The following DYNC2I2 variants were observed in gnomAD, a reference collection of about 807,000 sequenced individuals.
The protein encoded by DYNC2I2 is dynein 2 intermediate chain 2, also known as cytoplasmic dynein 2 intermediate chain 2.
A neutral mutation model predicts 52.0 loss-of-function variants in DYNC2I2; 39 were observed. That is an observed-to-expected ratio of 0.75 (90% confidence interval 0.58 to 0.98). DYNC2I2 has a LOEUF of 0.98. DYNC2I2 is among the 50% of genes least tolerant of loss of function. The pLI, the probability that DYNC2I2 is intolerant of heterozygous loss-of-function variation, is 0.00. For missense variants in DYNC2I2, 743 were observed against 728.4 expected (o/e 1.02, Z -0.23); for synonymous variants, 359 against 321.1 (o/e 1.12, Z -1.26).
intron 1 of DYNC2I2, among the ~76,000 whole-genome samples, chr9:128,653,408 T>C (rs938911224): frequency 1.3e-5 from 2 of 148,848 alleles, no homozygotes; most frequent in African/African-American, 5.1e-5. Context: ...CGAAACCCCG[T>C]CACTACTAAA....
rs528155510 is a variant in DYNC2I2, at chr9:128,633,677, C to T, written c.*67G>A. On this transcript the variant is annotated 3_prime_UTR_variant, in exon 9 of 9. Transcript: ENST00000372715. ...CTTCCCCCAAAGCTTTGCTTTTCTTCATTTGGCTTGCGTCAGAAACACAAG... is the reference window on the plus strand; with the variant it reads ...CTTCCCCCAAAGCTTTGCTTTTCTTTATTTGGCTTGCGTCAGAAACACAAG... 1 of 1,521,670 alleles carries T rather than the reference C, an allele frequency of 6.6e-7. No individual in the cohort carries two copies. The highest frequency in any genetic ancestry group is 2.3e-5 in the East Asian group (1 of 44,154). 94.3% of individuals were successfully genotyped at this position (1,521,670 alleles called of 1,614,324 possible).
the DYNC2I2 span, among the ~76,000 whole-genome samples, chr9:128,667,280 A>G: frequency 6.6e-6 from 1 of 152,100 alleles, no homozygotes; most frequent in African/African-American, 2.4e-5. Context: ...GGATAACCTG[A>G]GCCCTAGGAG....
At chr9:128,659,292 G>A (rs558882681), upstream of DYNC2I2, among the ~76,000 whole-genome samples, 8 of 151,630 alleles carry the variant, frequency 5.3e-5, no homozygotes, top group South Asian at 2.1e-4. Flanking sequence ...TCAGGAGATC[G>A]AGACCATCCT....
At chr9:128,677,603 G>A in the DYNC2I2 span, among the ~76,000 whole-genome samples, 1 of 151,174 alleles carries the variant, frequency 6.6e-6, no homozygotes, top group Admixed American at 6.6e-5. Flanking sequence ...TTCAAAACCA[G>A]CCTGACCAAT....
At chr9:128,641,556 G>A (rs1435300778) in intron 1 of DYNC2I2, among the ~76,000 whole-genome samples, 1 of 152,148 alleles carries the variant, frequency 6.6e-6, no homozygotes, top group Non-Finnish European at 1.5e-5. Context: ...GAACAGGGCA[G>A]GAGAGGCCAG....
the DYNC2I2 span, among the ~76,000 whole-genome samples, chr9:128,667,185 C>T: frequency 1.3e-5 from 2 of 151,630 alleles, no homozygotes; most frequent in Non-Finnish European, 2.9e-5. Context: ...GGCAACAGAG[C>T]AAAACTCCAT....
chr9:128,674,446 T>C, the DYNC2I2 span, among the ~76,000 whole-genome samples: 1 of 150,164 alleles, frequency 6.7e-6, no homozygotes, highest in African/African-American at 2.4e-5. Context: ...CTCTAGCTAA[T>C]TTAAAAAAAA....
At chr9:128,661,242 C>T (rs903636641), upstream of DYNC2I2, among the ~76,000 whole-genome samples, 4 of 141,866 alleles carry the variant, frequency 2.8e-5, no homozygotes, top group Admixed American at 7.5e-5. Context: ...CTCCGGAGAC[C>T]GAGGCAGGAG....
At chr9:128,654,099 C>T (rs561933426) in intron 1 of DYNC2I2, among the ~76,000 whole-genome samples, 91 of 152,302 alleles carry the variant, frequency 6.0e-4, no homozygotes, top group African/African-American at 2.2e-3. Context: ...CATCAATTGA[C>T]CTGCGATAAG....
chr9:128,677,337 T>C, the DYNC2I2 span, among the ~76,000 whole-genome samples: 1 of 151,972 alleles, frequency 6.6e-6, no homozygotes, highest in African/African-American at 2.4e-5. Flanking sequence ...TACAATAAAC[T>C]AGCCAGGCAT....
At chr9:128,672,577 A>G in the DYNC2I2 span, among the ~76,000 whole-genome samples, 3 of 151,830 alleles carry the variant, frequency 2.0e-5, no homozygotes, top group Non-Finnish European at 2.9e-5. Flanking sequence ...GGAAGTGTCT[A>G]TTCAGGGCAA....
the DYNC2I2 span, among the ~76,000 whole-genome samples, chr9:128,681,160 GGCTCACTGCAACCTCA>G: frequency 1.3e-5 from 2 of 151,672 alleles, no homozygotes; most frequent in Non-Finnish European, 2.9e-5. Flanking sequence ...GCGCAGTCTC[GGCTCACTGCAACCTCA>G]GCCTCCCGGG....
the DYNC2I2 span, among the ~76,000 whole-genome samples, chr9:128,673,907 C>T: frequency 1.3e-5 from 2 of 148,170 alleles, no homozygotes; most frequent in East Asian, 2.0e-4. Context: ...CTCCCAGGTT[C>T]AAGCAATTCT....
chr9:128,643,805 C>G, intron 1 of DYNC2I2, among the ~76,000 whole-genome samples: 1 of 152,320 alleles, frequency 6.6e-6, no homozygotes, highest in East Asian at 1.9e-4. Context: ...CACACTCAGG[C>G]AGAGAACACA....
chr9:128,678,048 T>G, the DYNC2I2 span, among the ~76,000 whole-genome samples: 2 of 152,074 alleles, frequency 1.3e-5, no homozygotes, highest in South Asian at 4.1e-4. Flanking sequence ...TCCCTTCGAC[T>G]TAGCTGCAGT....
chr9:128,647,477 T>G (rs1860637284), intron 1 of DYNC2I2, among the ~76,000 whole-genome samples: 1 of 152,100 alleles, frequency 6.6e-6, no homozygotes, highest in African/African-American at 2.4e-5. Flanking sequence ...GGCTCACGCC[T>G]GCAATCCCAG....
chr9:128,637,238 C>T (rs1487416773), intron 2 of DYNC2I2, among the ~76,000 whole-genome samples: 2 of 152,214 alleles, frequency 1.3e-5, no homozygotes, highest in African/African-American at 4.8e-5. Flanking sequence ...AGAAGCAAGG[C>T]CGACCAGGCT....
the DYNC2I2 span, among the ~76,000 whole-genome samples, chr9:128,679,765 G>A: frequency 4.0e-5 from 6 of 150,828 alleles, no homozygotes; most frequent in Non-Finnish European, 8.9e-5. Context: ...TCCTGTCTCA[G>A]CCTAAGTAGT....
chr9:128,674,434 G>A, the DYNC2I2 span, among the ~76,000 whole-genome samples: 34 of 148,546 alleles, frequency 2.3e-4, no homozygotes, highest in East Asian at 8.8e-4. Flanking sequence ...ATGCCTGGCC[G>A]TCTCTAGCTA....
Sources: allele counts gnomAD v4.1 joint callset (sites outside exome capture counted in the v4.1 genomes callset), GRCh38; gene constraint gnomAD v4.1.1; transcripts MANE v1.5; gene names NCBI Gene and HGNC (gene_info 2026-07-23, HGNC 2026-07-21).